The following COL14A1 variants were observed in gnomAD, a reference collection of about 807,000 sequenced individuals.
COL14A1 encodes the protein collagen type XIV alpha 1 chain.
In COL14A1, 136 loss-of-function variants were observed where a neutral mutation model predicts 230.3. The ratio of observed to expected loss-of-function variants is 0.59; its 90% CI spans 0.51 to 0.68. The LOEUF is 0.68. COL14A1 is among the 30% of genes least tolerant of loss of function. COL14A1 has a pLI of 0.00. For missense variants in COL14A1, 1,976 were observed against 2,215.8 expected (o/e 0.89, Z 2.17); for synonymous variants, 792 against 784.1 (o/e 1.01, Z -0.17).
chr8:120,187,246 G>T (rs1233023205), intron 5 of COL14A1, among the ~76,000 whole-genome samples: 2 of 152,182 alleles, frequency 1.3e-5, no homozygotes, highest in Admixed American at 6.5e-5. Flanking sequence ...TTAAAAGGAA[G>T]ATTTTTAATT....
intron 46 of COL14A1, among the ~76,000 whole-genome samples, chr8:120,368,032 CACCT>C (rs1362034013): frequency 2.6e-5 from 4 of 151,922 alleles, no homozygotes; most frequent in African/African-American, 9.7e-5. Context: ...TGGAACTAAT[CACCT>C]AGCCCCAACT....
intron 13 of COL14A1, among the ~76,000 whole-genome samples, chr8:120,213,395 A>G (rs953644162): frequency 6.6e-5 from 10 of 152,176 alleles, no homozygotes; most frequent in Non-Finnish European, 1.5e-4. Context: ...GAATAGCACA[A>G]TTTCTACAAT....
intron 45 of COL14A1, among the ~76,000 whole-genome samples, chr8:120,363,014 A>G (rs948856368): frequency 6.6e-6 from 1 of 152,226 alleles, no homozygotes; most frequent in Non-Finnish European, 1.5e-5. Flanking sequence ...AGTAGTTGAT[A>G]TCACCACCAC....
chr8:120,337,542 C>T lies in COL14A1; in HGVS notation c.4786-3783C>T, dbSNP rs368190383. On this transcript the variant is annotated intron_variant, in intron 42 of 47. Transcript: ENST00000297848. The stretch of plus-strand genomic sequence containing the variant: ...GGTCATGGAAGACGTTTCAAGCCAG[C>T]CTAAGATGTTTTGACTCTGTTTAAC... Among the ~76,000 whole-genome samples the T allele has an allele frequency of 2.6e-5, 4 of 152,210 alleles. No individual in the cohort carries two copies. In the South Asian group the frequency reaches 8.3e-4, roughly 32 times the overall value.
intron 5 of COL14A1, among the ~76,000 whole-genome samples, chr8:120,188,113 C>T (rs1196112565): frequency 2.7e-5 from 4 of 149,352 alleles, no homozygotes; most frequent in Non-Finnish European, 5.9e-5. Flanking sequence ...GATGGCGTCT[C>T]GTTCTGTCAC....
In COL14A1 at chr8:120,322,606, C is replaced by T. The variant is rs557392407; in HGVS notation, c.4659+6609C>T. Among the ~76,000 whole-genome samples, 6 of 152,250 alleles carry T rather than the reference C, an allele frequency of 3.9e-5. No individual in the cohort carries two copies. The East Asian group carries it at 1.2e-3, about 29-fold the overall frequency. ...GTTTCCTTTTATGTGTCTGTGTGTT[C>T]TCATCATTTAGCTCCCACTTGTAAG... On this transcript the variant is annotated intron_variant, in intron 40 of 47. Transcript: ENST00000297848.
At chr8:120,199,632 T>G (rs1175887097) in intron 8 of COL14A1, 66 bp downstream of exon 8, 1 of 1,488,502 alleles carries the variant, frequency 6.7e-7, no homozygotes, top group Non-Finnish European at 9.1e-7. Flanking sequence ...AAACAATATG[T>G]AATGTGAAAT....
intron 39 of COL14A1, 56 bp downstream of exon 39, chr8:120,315,642 G>A: frequency 2.1e-6 from 3 of 1,407,650 alleles, no homozygotes; most frequent in East Asian, 2.3e-5. Flanking sequence ...TGCCAAGGGG[G>A]AAAAAAAAGC....
chr8:120,373,413 G>A lies in COL14A1; in HGVS notation c.*2182G>A, dbSNP rs1486785259. On this transcript the variant is annotated 3_prime_UTR_variant, in exon 48 of 48. Coordinates refer to ENST00000297848, the MANE Select transcript of COL14A1 (RefSeq NM_021110.4). Reference sequence around the variant, plus strand: ...TGTTAAAAATAATAAGTGTAACTCAGATTCTGGATGTTCGAGTTTACAATA... The same window carrying A: ...TGTTAAAAATAATAAGTGTAACTCAAATTCTGGATGTTCGAGTTTACAATA... 6.6e-6 allele frequency among the ~76,000 whole-genome samples: 1 copy of A among 152,180 alleles called. No individual in the cohort carries two copies. The highest frequency in any genetic ancestry group is 1.5e-5 in the Non-Finnish European group (1 of 68,034).
chr8:120,278,279 T>A, intron 27 of COL14A1, 45 bp downstream of exon 27: 1 of 1,557,876 alleles, frequency 6.4e-7, no homozygotes. Context: ...TAATTCATTA[T>A]TTGTAACTAC....
At chr8:120,342,348 T>C (rs1209604739) in intron 43 of COL14A1, 32 bp from the exon 44 acceptor site, 1 of 1,609,114 alleles carries the variant, frequency 6.2e-7, no homozygotes, top group Non-Finnish European at 8.5e-7. Context: ...GGCTTGTAGC[T>C]GAGTCAGGAG....
intron 47 of COL14A1, chr8:120,370,612 C>T: frequency 1.4e-6 from 2 of 1,451,242 alleles, no homozygotes; most frequent in Non-Finnish European, 1.8e-6. Flanking sequence ...ACACTGACTG[C>T]TCCATGTCAG....
intron 15 of COL14A1, among the ~76,000 whole-genome samples, chr8:120,226,334 G>GT (rs1202108428): frequency 6.6e-6 from 1 of 151,936 alleles, no homozygotes; most frequent in Non-Finnish European, 1.5e-5. Flanking sequence ...TGGCACTCTT[G>GT]TTTTTTATAG....
chr8:120,143,649 C>T (rs1048366412), intron 1 of COL14A1, among the ~76,000 whole-genome samples: 13 of 151,790 alleles, frequency 8.6e-5, no homozygotes, highest in African/African-American at 2.9e-4. Context: ...AAAACAAACA[C>T]ACAAAAAACT....
intron 1 of COL14A1, among the ~76,000 whole-genome samples, chr8:120,125,819 A>G (rs960937052): frequency 6.6e-6 from 1 of 152,132 alleles, no homozygotes; most frequent in Non-Finnish European, 1.5e-5. Flanking sequence ...AGAGCTGCTG[A>G]TGGAGATCAT....
intron 19 of COL14A1, among the ~76,000 whole-genome samples, chr8:120,232,695 C>G (rs918722132): frequency 1.3e-5 from 2 of 152,144 alleles, no homozygotes; most frequent in Non-Finnish European, 2.9e-5. Context: ...GGTTCCAAGT[C>G]TTTGCTATTG....
In COL14A1 at chr8:120,147,314, G is replaced by A. The variant is rs537265471; in HGVS notation, c.-37-492G>A. On this transcript the variant is annotated intron_variant, in intron 1 of 47. Transcript: ENST00000297848. ...AAAGGATTAGGGGTTATTCAACCCAGTGAGGGGAAGTCTGAGTACAAAGTG... is the reference window on the plus strand; with the variant it reads ...AAAGGATTAGGGGTTATTCAACCCAATGAGGGGAAGTCTGAGTACAAAGTG... 5.3e-5 allele frequency among the ~76,000 whole-genome samples: 8 copies of A among 152,264 alleles called. No homozygotes were observed. In the South Asian group the frequency reaches 1.5e-3, roughly 28 times the overall value.
chr8:120,177,407 G>T (rs866289331), intron 5 of COL14A1, among the ~76,000 whole-genome samples: 3 of 152,046 alleles, frequency 2.0e-5, no homozygotes, highest in Non-Finnish European at 2.9e-5. Flanking sequence ...CCAGCACTTT[G>T]GAAGGCTGAG....
chr8:120,145,883 A>G (rs1382978372), intron 1 of COL14A1, among the ~76,000 whole-genome samples: 2 of 152,262 alleles, frequency 1.3e-5, no homozygotes, highest in East Asian at 3.9e-4. Flanking sequence ...CAAAAGATGT[A>G]TTGTTTTTGT....
Sources: gnomAD v4.1 joint callset for allele counts (sites outside exome capture counted in the v4.1 genomes callset) on GRCh38, gnomAD v4.1.1 for gene constraint, MANE v1.5 for transcripts, NCBI Gene and HGNC (gene_info 2026-07-23, HGNC 2026-07-21) for gene names.